RORA: variants seen among roughly 807,000 people sequenced by gnomAD.
RORA encodes the protein RAR related orphan receptor A.
In RORA, 7 loss-of-function variants were observed where a neutral mutation model predicts 69.5. The observed-to-expected ratio is 0.10, with a 90% CI of 0.06 to 0.19. The LOEUF (loss-of-function observed/expected upper bound fraction) is 0.19, where lower values mean the gene tolerates loss of function less well. RORA is among the 10% of genes least tolerant of loss of function. The probability of loss-of-function intolerance (pLI) is 1.00; values close to 1 mark genes in which losing one functional copy is unlikely to be tolerated. For missense variants in RORA, 457 were observed against 663.0 expected, an observed-to-expected ratio of 0.69 and a Z score of 3.41; for synonymous variants, 261 against 240.8, an observed-to-expected ratio of 1.08 and a Z score of -0.78.
chr15:61,036,225 C>A (rs773156422), intron 1 of RORA, among the ~76,000 whole-genome samples: 9 of 152,124 alleles, frequency 5.9e-5, no homozygotes, highest in Non-Finnish European at 1.3e-4. Flanking sequence ...AGCCAGAATT[C>A]TACTAGAAAG....
rs374433414 is a variant in RORA, at chr15:60,763,065, A to ATTTTTTTTTTTTTTTTTTTTTTTTTTT, written c.167-84406_167-84380dup. 4.1e-5 allele frequency among the ~76,000 whole-genome samples: 2 copies of ATTTTTTTTTTTTTTTTTTTTTTTTTTT among 48,372 alleles called. 1 individual carries two copies. The highest frequency in any genetic ancestry group is 7.8e-5 in the Non-Finnish European group (2 of 25,692). 31.7% of individuals were successfully genotyped at this position (48,372 alleles called of 152,430 possible). On this transcript the variant is annotated intron_variant, in intron 1 of 10. Coordinates refer to ENST00000335670, the MANE Select transcript of RORA (RefSeq NM_134261.3). ...AAAGTACTGTTTCCAATATGCACAG[A>ATTTTTTTTTTTTTTTTTTTTTTTTTTT]TTTTTTTTTTTTTTTTTTTTTTTTT...
Position 61,017,271 on chromosome 15 carries a change from T to C in RORA, c.166+211782A>G, listed in dbSNP as rs943122078. On this transcript the variant is annotated intron_variant, in intron 1 of 10. Coordinates refer to ENST00000335670, the MANE Select transcript of RORA (RefSeq NM_134261.3). ...CTTTGTGTAGACATGGATTTTCACA[T>C]GCTTATTCAAAATATTTGCTGTCAA... Among the ~76,000 whole-genome samples, 4 of 152,358 alleles carry C rather than the reference T, an allele frequency of 2.6e-5. No homozygotes were observed. In the East Asian group the frequency reaches 5.8e-4, roughly 22 times the overall value.
chr15:60,933,818 A>G (rs1442846883), intron 1 of RORA, among the ~76,000 whole-genome samples: 1 of 152,200 alleles, frequency 6.6e-6, no homozygotes, highest in Non-Finnish European at 1.5e-5. Context: ...CAAGCTTTTC[A>G]TATGGGAAAA....
At chr15:60,820,040 T>A (rs1307269209) in intron 1 of RORA, among the ~76,000 whole-genome samples, 1 of 152,196 alleles carries the variant, frequency 6.6e-6, no homozygotes, top group East Asian at 1.9e-4. Flanking sequence ...AAACTAAAAG[T>A]GTTCATGCGT....
intron 1 of RORA, among the ~76,000 whole-genome samples, chr15:61,184,167 C>T (rs558405097): frequency 6.6e-6 from 1 of 152,346 alleles, no homozygotes; most frequent in South Asian, 2.1e-4. Flanking sequence ...GCCCCATCTT[C>T]CCATTCCATA....
chr15:61,083,114 C>G (rs945586102), intron 1 of RORA, among the ~76,000 whole-genome samples: 1 of 152,180 alleles, frequency 6.6e-6, no homozygotes, highest in Admixed American at 6.5e-5. Flanking sequence ...AAAGCTGTGC[C>G]TGGAGGACAA....
chr15:60,948,003 G>A (rs1359555290), intron 1 of RORA, among the ~76,000 whole-genome samples: 1 of 152,202 alleles, frequency 6.6e-6, no homozygotes, highest in East Asian at 1.9e-4. Context: ...ATGCCTTGAT[G>A]ATTTCCTTGG....
intron 1 of RORA, among the ~76,000 whole-genome samples, chr15:61,162,433 A>G (rs1020422175): frequency 6.6e-6 from 1 of 152,162 alleles, no homozygotes; most frequent in African/African-American, 2.4e-5. Flanking sequence ...GAAAGCACCC[A>G]CAAGGGCTCC....
At chr15:60,691,593 CG>C (rs1236406844) in intron 1 of RORA, among the ~76,000 whole-genome samples, 4 of 152,084 alleles carry the variant, frequency 2.6e-5, no homozygotes, top group Non-Finnish European at 5.9e-5. Flanking sequence ...CTGAGAAGGT[CG>C]GGGACATCTA....
intron 1 of RORA, among the ~76,000 whole-genome samples, chr15:60,721,927 G>A (rs1285839514): frequency 6.6e-6 from 1 of 152,248 alleles, no homozygotes; most frequent in Non-Finnish European, 1.5e-5. Flanking sequence ...ACTCGCCCTA[G>A]ACGGCGTGCA....
chr15:60,695,127 A>G lies in RORA; in HGVS notation c.167-16441T>C, dbSNP rs773091142. Among the ~76,000 whole-genome samples, 37 of 135,542 alleles carry G rather than the reference A, an allele frequency of 2.7e-4. 1 individual carries two copies. The highest frequency in any genetic ancestry group is 3.5e-3 in the Middle Eastern group (1 of 284). The allele number at this position is 135,542 out of a possible 152,430, so 88.9% of individuals were successfully genotyped here. On this transcript the variant is annotated intron_variant, in intron 1 of 10. Transcript: ENST00000335670. ...GGTGCTTAGGAGGAAAGGCCTATGT[A>G]TGTATTCTAGTACCAGCCAAAGCCT...
intron 1 of RORA, among the ~76,000 whole-genome samples, chr15:61,002,975 C>CAAAAAAAAAA (rs59966691): frequency 3.4e-5 from 4 of 116,948 alleles, no homozygotes; most frequent in Non-Finnish European, 5.3e-5. Context: ...ACTAAAAATA[C>CAAAAAAAAAA]AAAAAAAAAA....
At position 60,504,735 on chromosome 15, in the gene RORA, A is replaced by G. The variant is rs2065443667; in HGVS notation, c.942+773T>C. 3.3e-5 allele frequency among the ~76,000 whole-genome samples: 5 copies of G among 152,170 alleles called. No homozygotes were observed. The South Asian group carries it at 1.0e-3, about 32-fold the overall frequency. On this transcript the variant is annotated intron_variant, in intron 6 of 10. Transcript: ENST00000335670. ...CAAAGCAATGTGTTGCTATTCCCCA[A>G]CATGTCCTGTTAAATTCCTTTTATA...
intron 1 of RORA, among the ~76,000 whole-genome samples, chr15:60,828,124 G>A (rs981004083): frequency 6.6e-6 from 1 of 152,180 alleles, no homozygotes; most frequent in Non-Finnish European, 1.5e-5. Flanking sequence ...AAGGCAGGAG[G>A]CGGGCAGGGA....
intron 1 of RORA, among the ~76,000 whole-genome samples, chr15:61,187,276 T>C (rs146609064): frequency 6.6e-6 from 1 of 152,366 alleles, no homozygotes; most frequent in East Asian, 1.9e-4. Context: ...TTAGGTTGTG[T>C]TGTTCCCCAA....
chr15:61,101,124 G>C (rs1012754944), intron 1 of RORA, among the ~76,000 whole-genome samples: 1 of 152,350 alleles, frequency 6.6e-6, no homozygotes, highest in African/African-American at 2.4e-5. Context: ...AAAGTACAGA[G>C]TCACAGCAAC....
At chr15:60,574,921 G>C (rs1043304516) in intron 2 of RORA, among the ~76,000 whole-genome samples, 1 of 151,984 alleles carries the variant, frequency 6.6e-6, no homozygotes, top group Non-Finnish European at 1.5e-5. Flanking sequence ...TCTGTATCTT[G>C]TGTCACCCGG....
At chr15:60,685,469 C>T (rs2070728667) in intron 1 of RORA, among the ~76,000 whole-genome samples, 1 of 152,174 alleles carries the variant, frequency 6.6e-6, no homozygotes, top group Non-Finnish European at 1.5e-5. Context: ...GGCCTTATGT[C>T]CCCCTCCTCC....
intron 2 of RORA, among the ~76,000 whole-genome samples, chr15:60,643,082 G>A (rs1348040190): frequency 6.6e-6 from 1 of 152,100 alleles, no homozygotes; most frequent in East Asian, 1.9e-4. Flanking sequence ...GCTTGAATCC[G>A]GAAGGCGAAG....
Sources: gnomAD v4.1 joint callset for allele counts (sites outside exome capture counted in the v4.1 genomes callset) on GRCh38, gnomAD v4.1.1 for gene constraint, MANE v1.5 for transcripts, NCBI Gene and HGNC (gene_info 2026-07-23, HGNC 2026-07-21) for gene names.